Variants in HNRNPC observed in about 807,000 individuals in gnomAD.
HNRNPC encodes heterogeneous nuclear ribonucleoproteins C1/C2.
A neutral mutation model predicts 33.2 loss-of-function variants in HNRNPC; 3 were observed. The ratio of observed to expected loss-of-function variants is 0.09; its 90% CI spans 0.04 to 0.23. The LOEUF (loss-of-function observed/expected upper bound fraction) is 0.23, where lower values mean the gene tolerates loss of function less well. HNRNPC is among the 10% of genes least tolerant of loss of function. The pLI is 1.00. For synonymous variants in HNRNPC, 121 were observed against 126.7 expected, an observed-to-expected ratio of 0.96 and a Z score of 0.30; for missense variants, 143 against 366.7, an observed-to-expected ratio of 0.39 and a Z score of 4.98.
At chr14:21,244,808 A>G (rs1205068169) in intron 2 of HNRNPC, among the ~76,000 whole-genome samples, 1 of 152,178 alleles carries the variant, frequency 6.6e-6, no homozygotes, top group African/African-American at 2.4e-5. Flanking sequence ...TAGCATGCAC[A>G]GTACTGAACA....
chr14:21,218,681 CAAAAAAAAAAAAA>C (rs71112557), intron 5 of HNRNPC, among the ~76,000 whole-genome samples: 20 of 51,254 alleles, frequency 3.9e-4, no homozygotes, highest in Admixed American at 2.6e-3. Context: ...AACTCTCTCT[CAAAAAAAAAAAAA>C]AAAAAAAAAA....
At chr14:21,221,906 G>A (rs556289621) in intron 5 of HNRNPC, among the ~76,000 whole-genome samples, 12 of 151,782 alleles carry the variant, frequency 7.9e-5, no homozygotes, top group Non-Finnish European at 1.3e-4. Context: ...AATATTAGCC[G>A]GGCGTGGTGG....
intron 2 of HNRNPC, among the ~76,000 whole-genome samples, chr14:21,244,175 T>A (rs887235748): frequency 6.6e-6 from 1 of 152,086 alleles, no homozygotes; most frequent in African/African-American, 2.4e-5. Flanking sequence ...TTTTTGTACT[T>A]TTAGTAGAGA....
At chr14:21,230,227 A>C (rs1389624690) in intron 5 of HNRNPC, 92 bp downstream of exon 5, 1 of 855,966 alleles carries the variant, frequency 1.2e-6, no homozygotes, top group Non-Finnish European at 1.9e-6. Flanking sequence ...TATGTTTGAA[A>C]ACATCTTTGA....
chr14:21,213,284 T>G (rs1891816469), intron 5 of HNRNPC, 167 bp from the exon 6 acceptor site: 1 of 647,448 alleles, frequency 1.5e-6, no homozygotes, highest in Non-Finnish European at 2.6e-6. Context: ...TTAGAAATCT[T>G]ATCCCATTAT....
intron 5 of HNRNPC, among the ~76,000 whole-genome samples, chr14:21,228,372 G>GT (rs1893709880): frequency 6.6e-6 from 1 of 152,060 alleles, no homozygotes; most frequent in Non-Finnish European, 1.5e-5. Context: ...ATTTTCAACT[G>GT]GAAGTTCTCC....
intron 5 of HNRNPC, among the ~76,000 whole-genome samples, chr14:21,214,568 A>G (rs1486593404): frequency 6.6e-6 from 1 of 152,036 alleles, no homozygotes; most frequent in African/African-American, 2.4e-5. Context: ...GAACAGAGCA[A>G]CACTGTCTCA....
At chr14:21,240,026 T>C (rs1895170851) in intron 2 of HNRNPC, among the ~76,000 whole-genome samples, 1 of 152,166 alleles carries the variant, frequency 6.6e-6, no homozygotes, top group Non-Finnish European at 1.5e-5. Flanking sequence ...AAAGACCTGT[T>C]TTACCTAGAA....
chr14:21,212,592 G>A (rs577693287), intron 6 of HNRNPC, among the ~76,000 whole-genome samples: 1 of 151,894 alleles, frequency 6.6e-6, no homozygotes, highest in South Asian at 2.1e-4. Context: ...ACCCAGGCTG[G>A]AGTGCAATGG....
At chr14:21,220,542 A>G (rs918868608) in intron 5 of HNRNPC, among the ~76,000 whole-genome samples, 4 of 152,162 alleles carry the variant, frequency 2.6e-5, no homozygotes, top group Non-Finnish European at 5.9e-5. Flanking sequence ...ATTTCTTATT[A>G]TAGTATTCCT....
intron 3 of HNRNPC, among the ~76,000 whole-genome samples, chr14:21,232,147 GCCAC>G (rs1461592494): frequency 6.6e-6 from 1 of 151,998 alleles, no homozygotes; most frequent in Non-Finnish European, 1.5e-5. Flanking sequence ...TACCTACCCT[GCCAC>G]CCACTGCCTA....
chr14:21,259,352 C>T (rs1877781039), intron 2 of HNRNPC, among the ~76,000 whole-genome samples: 1 of 152,112 alleles, frequency 6.6e-6, no homozygotes, highest in African/African-American at 2.4e-5. Context: ...GTGAAAAGTG[C>T]CATTTACTTT....
intron 5 of HNRNPC, among the ~76,000 whole-genome samples, chr14:21,228,522 G>C (rs1235329339): frequency 1.3e-5 from 2 of 152,046 alleles, no homozygotes; most frequent in Non-Finnish European, 2.9e-5. Flanking sequence ...CTCCTGAGTA[G>C]CTGGGACTAC....
At chr14:21,256,563 T>C (rs1009545281) in intron 2 of HNRNPC, among the ~76,000 whole-genome samples, 1 of 152,146 alleles carries the variant, frequency 6.6e-6, no homozygotes, top group Non-Finnish European at 1.5e-5. Flanking sequence ...TTATATATAA[T>C]AATGCACAGG....
chr14:21,249,831 T>C (rs1463364606), intron 2 of HNRNPC, among the ~76,000 whole-genome samples: 1 of 152,088 alleles, frequency 6.6e-6, no homozygotes, highest in African/African-American at 2.4e-5. Flanking sequence ...AAAACACTTT[T>C]TAAAGAAAGG....
chr14:21,240,217 C>T lies in HNRNPC; in HGVS notation c.-36-5988G>A, dbSNP rs527638139. Among the ~76,000 whole-genome samples the T allele has an allele frequency of 2.0e-5, 3 of 152,290 alleles. No individual in the cohort carries two copies. The South Asian group carries it at 6.2e-4, about 32-fold the overall frequency. On this transcript the variant is annotated intron_variant, in intron 2 of 8. Coordinates refer to ENST00000553300, the MANE Select transcript of HNRNPC (RefSeq NM_004500.4). ...ATATAGAAATTTGCCTCTACTCGCACTCTCACCATCCCAGCCACAGCTTAA... is the reference window on the plus strand; with the variant it reads ...ATATAGAAATTTGCCTCTACTCGCATTCTCACCATCCCAGCCACAGCTTAA...
chr14:21,240,271 A>G (rs1187078815), intron 2 of HNRNPC, among the ~76,000 whole-genome samples: 1 of 152,220 alleles, frequency 6.6e-6, no homozygotes, highest in African/African-American at 2.4e-5. Flanking sequence ...AACTCTATCT[A>G]GTTGGGATAT....
At chr14:21,251,418 C>A (rs1210423440) in intron 2 of HNRNPC, among the ~76,000 whole-genome samples, 1 of 152,068 alleles carries the variant, frequency 6.6e-6, no homozygotes, top group Non-Finnish European at 1.5e-5. Flanking sequence ...GTGGCTCACA[C>A]CTGTACTCCC....
intron 2 of HNRNPC, among the ~76,000 whole-genome samples, chr14:21,235,380 G>A (rs1894585730): frequency 6.6e-6 from 1 of 152,004 alleles, no homozygotes; most frequent in Non-Finnish European, 1.5e-5. Flanking sequence ...AAAGTCTAAT[G>A]TATACATATA....
Sources: gnomAD v4.1 joint callset for allele counts (sites outside exome capture counted in the v4.1 genomes callset) on GRCh38, gnomAD v4.1.1 for gene constraint, MANE v1.5 for transcripts, NCBI Gene and HGNC (gene_info 2026-07-23, HGNC 2026-07-21) for gene names.